LINGO2: variants seen among roughly 807,000 people sequenced by gnomAD.
LINGO2 encodes leucine-rich repeat and immunoglobulin-like domain-containing nogo receptor-interacting protein 2.
LINGO2 carries 14 observed loss-of-function variants against 30.6 expected under a neutral mutation model. That is an observed-to-expected ratio of 0.46 (90% CI 0.30 to 0.72). The LOEUF is 0.72. Among genes scored for constraint, LINGO2 ranks in the 30% least tolerant of loss-of-function variants. The pLI is 0.07. For missense variants in LINGO2, 729 were observed against 751.7 expected, an observed-to-expected ratio of 0.97 and a Z score of 0.35; for synonymous variants, 317 against 288.5, an observed-to-expected ratio of 1.10 and a Z score of -1.00.
the LINGO2 span, chr9:28,888,746 T>C: frequency 2.3e-6 from 1 of 429,538 alleles, no homozygotes; most frequent in Non-Finnish European, 4.8e-6. Context: ...AACTGAATTA[T>C]TTTGCATTTT....
the LINGO2 span, among the ~76,000 whole-genome samples, chr9:29,135,610 T>C: frequency 6.6e-6 from 1 of 151,422 alleles, no homozygotes; most frequent in Non-Finnish European, 1.5e-5. Context: ...CCAATGGAAG[T>C]GTACATTTAG....
intron 1 of LINGO2, among the ~76,000 whole-genome samples, chr9:28,541,444 T>C (rs1476690347): frequency 1.3e-5 from 2 of 152,146 alleles, no homozygotes; most frequent in African/African-American, 2.4e-5. Flanking sequence ...ACAACATTCA[T>C]TGTCAGAAAA....
intron 1 of LINGO2, among the ~76,000 whole-genome samples, chr9:28,516,644 A>T (rs1297278008): frequency 6.6e-6 from 1 of 152,218 alleles, no homozygotes; most frequent in Non-Finnish European, 1.5e-5. Flanking sequence ...TTTAAAACCA[A>T]GGTGTAAAAA....
chr9:28,587,219 C>T (rs1056614932), intron 1 of LINGO2, among the ~76,000 whole-genome samples: 1 of 151,976 alleles, frequency 6.6e-6, no homozygotes, highest in African/African-American at 2.4e-5. Context: ...CCTTCCCCTT[C>T]TGATGGAGGC....
chr9:28,487,900 A>T (rs55815444), intron 1 of LINGO2, among the ~76,000 whole-genome samples: 1,833 of 152,284 alleles, frequency 0.012, 39 homozygotes, highest in African/African-American at 0.04. Context: ...GAAGCTTCCC[A>T]GCTTTTAATA....
At chr9:29,192,304 G>A in the LINGO2 span, among the ~76,000 whole-genome samples, 1 of 152,076 alleles carries the variant, frequency 6.6e-6, no homozygotes, top group African/African-American at 2.4e-5. Flanking sequence ...TAATAAATAT[G>A]AAAGGAAATT....
At chr9:28,971,523 TGTG>T in the LINGO2 span, among the ~76,000 whole-genome samples, 1 of 152,192 alleles carries the variant, frequency 6.6e-6, no homozygotes, top group East Asian at 1.9e-4. Flanking sequence ...GTGGGCCTAT[TGTG>T]GTGGTGGCCA....
chr9:28,404,749 C>T (rs1417737864), intron 2 of LINGO2, among the ~76,000 whole-genome samples: 12 of 152,262 alleles, frequency 7.9e-5, no homozygotes, highest in African/African-American at 2.4e-4. Context: ...TGTAATCTCA[C>T]TTTGTGTAAT....
chr9:28,432,375 T>C (rs1463839228), intron 2 of LINGO2, among the ~76,000 whole-genome samples: 2 of 151,612 alleles, frequency 1.3e-5, no homozygotes, highest in Non-Finnish European at 2.9e-5. Flanking sequence ...TCCCAATCAA[T>C]ATAAATTTAA....
intron 5 of LINGO2, among the ~76,000 whole-genome samples, chr9:27,985,816 A>G (rs1171791428): frequency 1.3e-5 from 2 of 151,646 alleles, no homozygotes; most frequent in Admixed American, 1.3e-4. Context: ...GTGAATGAAG[A>G]TATCAAGTGC....
the LINGO2 span, among the ~76,000 whole-genome samples, chr9:28,954,728 T>A: frequency 3.3e-5 from 5 of 152,180 alleles, no homozygotes; most frequent in Non-Finnish European, 7.4e-5. Flanking sequence ...ACAAGAATTT[T>A]GAGAATGACT....
intron 4 of LINGO2, among the ~76,000 whole-genome samples, chr9:28,282,411 G>T (rs1587384345): frequency 1.4e-5 from 2 of 143,418 alleles, no homozygotes; most frequent in Middle Eastern, 3.6e-3. Flanking sequence ...TTTCAGGATA[G>T]TTTTTTTTTT....
chr9:28,177,380 G>T (rs1828778109), intron 4 of LINGO2, among the ~76,000 whole-genome samples: 1 of 152,064 alleles, frequency 6.6e-6, no homozygotes. Context: ...AAACTCCTAG[G>T]GAAATCCGAA....
intron 4 of LINGO2, among the ~76,000 whole-genome samples, chr9:28,088,528 T>A (rs4305993): frequency 2.0e-5 from 3 of 151,948 alleles, no homozygotes; most frequent in Non-Finnish European, 4.4e-5. Flanking sequence ...GTGGATGAAA[T>A]GTAGGTATAT....
intron 4 of LINGO2, among the ~76,000 whole-genome samples, chr9:28,254,513 A>C (rs1374816443): frequency 6.6e-6 from 1 of 152,154 alleles, no homozygotes; most frequent in Non-Finnish European, 1.5e-5. Flanking sequence ...TCTGGTGCAA[A>C]GAATATATCA....
At chr9:28,577,003 C>T (rs1188972631) in intron 1 of LINGO2, among the ~76,000 whole-genome samples, 4 of 152,250 alleles carry the variant, frequency 2.6e-5, no homozygotes, top group African/African-American at 9.6e-5. Context: ...ACAACTCCAT[C>T]TTGCCTTTAA....
intron 2 of LINGO2, among the ~76,000 whole-genome samples, chr9:28,433,385 A>G (rs1823760836): frequency 6.6e-6 from 1 of 152,144 alleles, no homozygotes; most frequent in African/African-American, 2.4e-5. Context: ...AAGATGCAAC[A>G]TATCAGGCAT....
At chr9:28,392,642 G>T in intron 2 of LINGO2, among the ~76,000 whole-genome samples, 1 of 152,236 alleles carries the variant, frequency 6.6e-6, no homozygotes, top group East Asian at 1.9e-4. Flanking sequence ...CTACCCTTCC[G>T]GAGGTCAGTG....
the LINGO2 span, among the ~76,000 whole-genome samples, chr9:28,977,412 T>C: frequency 2.3e-3 from 345 of 152,264 alleles, 2 homozygotes; most frequent in South Asian, 8.3e-3. Flanking sequence ...AGACAGACTG[T>C]ACTGATAGGT....
Sources: allele counts gnomAD v4.1 joint callset (sites outside exome capture counted in the v4.1 genomes callset), GRCh38; gene constraint gnomAD v4.1.1; transcripts MANE v1.5; gene names NCBI Gene and HGNC (gene_info 2026-07-23, HGNC 2026-07-21).